Variants in UTRN observed in about 807,000 individuals in gnomAD.
UTRN encodes utrophin.
A neutral mutation model predicts 463.9 loss-of-function variants in UTRN; 283 were observed. The ratio of observed to expected loss-of-function variants is 0.61; its 90% CI spans 0.55 to 0.67. The LOEUF (loss-of-function observed/expected upper bound fraction) is 0.67, where lower values mean the gene tolerates loss of function less well. Among genes scored for constraint, UTRN ranks in the 30% least tolerant of loss-of-function variants. UTRN has a pLI of 0.00. For missense variants in UTRN, 3,922 were observed against 4,084.3 expected (o/e 0.96, Z 1.08); for synonymous variants, 1,442 against 1,431.5 (o/e 1.01, Z -0.17).
At chr6:144,784,917 G>C (rs1385360973) in intron 61 of UTRN, among the ~76,000 whole-genome samples, 6 of 152,234 alleles carry the variant, frequency 3.9e-5, no homozygotes, top group Admixed American at 2.6e-4. Context: ...TGCTGGATCA[G>C]AATGGTGCCC....
chr6:144,728,251 A>G (rs1294235531), intron 53 of UTRN, among the ~76,000 whole-genome samples: 5 of 152,116 alleles, frequency 3.3e-5, no homozygotes, highest in African/African-American at 1.2e-4. Context: ...ATGATTTTTC[A>G]TGTCGTTATT....
intron 60 of UTRN, among the ~76,000 whole-genome samples, chr6:144,778,579 C>A (rs1346961070): frequency 6.6e-6 from 1 of 151,392 alleles, no homozygotes; most frequent in East Asian, 1.9e-4. Context: ...GCCTATATTT[C>A]TGGGGAAGAG....
intron 53 of UTRN, among the ~76,000 whole-genome samples, chr6:144,715,701 C>CCCCA (rs1554350667): frequency 7.0e-6 from 1 of 143,214 alleles, no homozygotes; most frequent in African/African-American, 2.7e-5. Flanking sequence ...CTTCCCCCCC[C>CCCCA]ACCCTTTTCT....
chr6:144,819,628 G>A (rs936473090), intron 65 of UTRN, among the ~76,000 whole-genome samples: 1 of 152,150 alleles, frequency 6.6e-6, no homozygotes, highest in Non-Finnish European at 1.5e-5. Context: ...GGGAGGCAGA[G>A]GTTGCAGTGA....
intron 51 of UTRN, among the ~76,000 whole-genome samples, chr6:144,585,149 C>T (rs911922109): frequency 6.6e-6 from 1 of 151,922 alleles, no homozygotes; most frequent in Non-Finnish European, 1.5e-5. Flanking sequence ...CTAATTCTAC[C>T]GCAAATAGGC....
intron 51 of UTRN, among the ~76,000 whole-genome samples, chr6:144,643,744 C>A (rs1348673957): frequency 1.3e-5 from 2 of 151,678 alleles, no homozygotes; most frequent in Non-Finnish European, 2.9e-5. Context: ...TTACAATGAG[C>A]CCAGACCATG....
At chr6:144,733,933 G>A (rs1392534085) in intron 54 of UTRN, among the ~76,000 whole-genome samples, 1 of 152,098 alleles carries the variant, frequency 6.6e-6, no homozygotes, top group East Asian at 1.9e-4. Context: ...CCAGTTTTGA[G>A]CATTTTATAA....
intron 51 of UTRN, among the ~76,000 whole-genome samples, chr6:144,663,912 T>A (rs1009283384): frequency 6.6e-6 from 1 of 152,198 alleles, no homozygotes; most frequent in Admixed American, 6.5e-5. Flanking sequence ...CATTTCAAAG[T>A]CTCCTCATTT....
intron 2 of UTRN, among the ~76,000 whole-genome samples, chr6:144,345,181 G>T (rs903888970): frequency 1.7e-4 from 24 of 140,138 alleles, no homozygotes; most frequent in African/African-American, 8.0e-4. Flanking sequence ...AGGTGGTAAG[G>T]GGTTGTAGCG....
chr6:144,760,608 C>A (rs1421367332), intron 58 of UTRN, among the ~76,000 whole-genome samples: 2 of 152,038 alleles, frequency 1.3e-5, no homozygotes, highest in Non-Finnish European at 2.9e-5. Flanking sequence ...GTTATAAAAG[C>A]CAGTATTTAT....
At chr6:144,569,101 C>G (rs1034232847) in intron 50 of UTRN, among the ~76,000 whole-genome samples, 12 of 151,988 alleles carry the variant, frequency 7.9e-5, no homozygotes, top group Admixed American at 6.6e-4. Flanking sequence ...ATACCATACT[C>G]TAGCCTAGGG....
At chr6:144,785,000 A>C (rs550139722) in intron 61 of UTRN, among the ~76,000 whole-genome samples, 4 of 152,280 alleles carry the variant, frequency 2.6e-5, no homozygotes, top group Non-Finnish European at 5.9e-5. Flanking sequence ...TTCTTATGAC[A>C]GTAATGTCAG....
chr6:144,566,473 G>C (rs1800413005), intron 50 of UTRN, among the ~76,000 whole-genome samples: 1 of 152,136 alleles, frequency 6.6e-6, no homozygotes, highest in African/African-American at 2.4e-5. Context: ...GAGAAAGATG[G>C]AGCAGGGAAG....
At chr6:144,537,461 A>G (rs1274287191) in intron 43 of UTRN, 121 bp from the exon 44 acceptor site, 1 of 581,490 alleles carries the variant, frequency 1.7e-6, no homozygotes, top group Non-Finnish European at 2.4e-6. Flanking sequence ...ATATATTAAA[A>G]TAATTATTAG....
intron 3 of UTRN, among the ~76,000 whole-genome samples, chr6:144,419,269 C>G (rs1784624330): frequency 1.3e-5 from 2 of 152,220 alleles, no homozygotes; most frequent in African/African-American, 4.8e-5. Flanking sequence ...TCTTGCACAT[C>G]TCTGTGTTAT....
Position 144,851,004 on chromosome 6 carries a change from C to A in UTRN, c.*7C>A. The A allele has an allele frequency of 6.2e-7, 1 of 1,613,648 alleles. No homozygotes were observed. The highest frequency in any genetic ancestry group is 8.5e-7 in the Non-Finnish European group (1 of 1,179,616). ...CTTCCCATAGGCAATGTGAAGTATT[C>A]ATCCGGCCAACCAATGTTTCCTGAC... is the stretch of plus-strand genomic sequence containing the variant. On this transcript the variant is annotated 3_prime_UTR_variant, in exon 75 of 75. Coordinates refer to ENST00000367545, the MANE Select transcript of UTRN (RefSeq NM_007124.3).
intron 2 of UTRN, among the ~76,000 whole-genome samples, chr6:144,376,792 C>T (rs1780501650): frequency 6.6e-6 from 1 of 152,066 alleles, no homozygotes; most frequent in South Asian, 2.1e-4. Context: ...TGGTTAAATT[C>T]TTTTACCAAG....
rs765554855 is a variant in UTRN at position 144,424,022 on chromosome 6, G to A, written c.349G>A (p.Asp117Asn). The change falls in exon 6 of 75, where the codon GAT becomes AAT. Residue 117 changes from aspartate (D) to asparagine (N), a missense_variant. By Grantham distance (23) the Asp-to-Asn change is conservative. Around this residue, in one of 3 missense-constraint regions of UTRN, gnomAD observed 264 missense variants for 327.9 expected, o/e 0.81. Transcript: ENST00000367545. ...LVNIGGTDIV[D>N]GNHKLTLGLL... Reference sequence around the variant, plus strand: ...GAATATAGGGGGAACTGACATTGTGGATGGAAATCACAAACTGACTTTGGG... The same window carrying A: ...GAATATAGGGGGAACTGACATTGTGAATGGAAATCACAAACTGACTTTGGG... The A allele has an allele frequency of 2.5e-6, 4 of 1,614,156 alleles. No homozygotes were observed. Among genetic ancestry groups the A allele is most frequent in the South Asian group, 1.1e-5 (1 of 91,084 alleles).
At chr6:144,340,158 C>T (rs1777036505) in intron 2 of UTRN, among the ~76,000 whole-genome samples, 1 of 152,128 alleles carries the variant, frequency 6.6e-6, no homozygotes, top group Non-Finnish European at 1.5e-5. Flanking sequence ...CATAACAAGA[C>T]TGCGACTGCG....
Sources: gnomAD v4.1 joint callset for allele counts (sites outside exome capture counted in the v4.1 genomes callset) on GRCh38, gnomAD v4.1.1 for gene constraint, gnomAD v4.1.1 regional missense constraint, MANE v1.5 for transcripts, NCBI Gene and HGNC (gene_info 2026-07-23, HGNC 2026-07-21) for gene names.